NTM: variants seen among roughly 807,000 people sequenced by gnomAD.
NTM encodes neurotrimin, also known as IgLON family member 2.
A neutral mutation model predicts 42.1 loss-of-function variants in NTM; 13 were observed. That is an observed-to-expected ratio of 0.31 (90% CI 0.20 to 0.49). NTM has a LOEUF of 0.49. NTM is among the 20% of genes least tolerant of loss of function. The probability of loss-of-function intolerance (pLI) is 0.99; values close to 1 mark genes in which losing one functional copy is unlikely to be tolerated. For synonymous variants in NTM, 187 were observed against 179.2 expected (o/e 1.04, Z -0.35); for missense variants, 373 against 452.8 (o/e 0.82, Z 1.60).
chr11:131,949,172 A>G (rs1200060880), intron 2 of NTM, among the ~76,000 whole-genome samples: 1 of 152,226 alleles, frequency 6.6e-6, no homozygotes, highest in Non-Finnish European at 1.5e-5. Flanking sequence ...TTCTCAGTTA[A>G]GACTGAATTG....
intron 2 of NTM, among the ~76,000 whole-genome samples, chr11:132,029,832 T>G (rs1421336944): frequency 1.3e-5 from 2 of 152,176 alleles, no homozygotes; most frequent in Admixed American, 6.5e-5. Context: ...AAGTCATTTC[T>G]GCCTGTTATT....
At chr11:132,035,939 A>G (rs77670657) in intron 2 of NTM, among the ~76,000 whole-genome samples, 8,271 of 152,232 alleles carry the variant, frequency 0.054, 311 homozygotes, top group Non-Finnish European at 0.082. Context: ...AGTGTGGACC[A>G]TGTGCTGCTG....
chr11:131,402,184 T>C (rs1206981726), intron 1 of NTM, among the ~76,000 whole-genome samples: 3 of 151,610 alleles, frequency 2.0e-5, no homozygotes, highest in Admixed American at 2.0e-4. Context: ...AATAATGTTA[T>C]GGATGCAACA....
intron 2 of NTM, among the ~76,000 whole-genome samples, chr11:132,100,810 T>A (rs1343455818): frequency 6.6e-6 from 1 of 152,210 alleles, no homozygotes; most frequent in Non-Finnish European, 1.5e-5. Context: ...GGCTATCAGC[T>A]GTGATTTAAT....
intron 1 of NTM, among the ~76,000 whole-genome samples, chr11:131,715,753 A>G (rs1214938394): frequency 1.3e-5 from 2 of 152,162 alleles, no homozygotes; most frequent in East Asian, 3.9e-4. Context: ...GAATCACACA[A>G]TATGTACTCA....
intron 1 of NTM, among the ~76,000 whole-genome samples, chr11:131,376,710 G>T (rs1942023055): frequency 6.8e-6 from 1 of 147,906 alleles, no homozygotes; most frequent in Non-Finnish European, 1.5e-5. Flanking sequence ...ATTGCCCTTT[G>T]CGATAAGAAA....
chr11:132,321,292 G>A (rs2095562980), intron 7 of NTM, among the ~76,000 whole-genome samples: 1 of 152,138 alleles, frequency 6.6e-6, no homozygotes, highest in Non-Finnish European at 1.5e-5. Context: ...AAATTTAGAA[G>A]CATGTATAAC....
At chr11:131,709,311 G>A (rs984834433) in intron 1 of NTM, among the ~76,000 whole-genome samples, 1 of 152,190 alleles carries the variant, frequency 6.6e-6, no homozygotes, top group Non-Finnish European at 1.5e-5. Flanking sequence ...AATAACTCAT[G>A]TTTTAAACAG....
intron 1 of NTM, among the ~76,000 whole-genome samples, chr11:131,478,720 G>A (rs1393116937): frequency 6.6e-6 from 1 of 152,184 alleles, no homozygotes; most frequent in Admixed American, 6.5e-5. Flanking sequence ...CAGCTCTATA[G>A]GAAGAGACTC....
intron 2 of NTM, among the ~76,000 whole-genome samples, chr11:131,948,662 A>G (rs1401875730): frequency 2.6e-5 from 4 of 152,154 alleles, no homozygotes; most frequent in African/African-American, 9.7e-5. Context: ...TCCTCATGGT[A>G]TCTCAAGGGC....
intron 1 of NTM, among the ~76,000 whole-genome samples, chr11:131,663,735 C>T (rs986356185): frequency 2.0e-5 from 3 of 152,084 alleles, no homozygotes; most frequent in Non-Finnish European, 2.9e-5. Context: ...GTTTTTGTTA[C>T]CTTTTTTTTC....
At chr11:132,185,717 G>A (rs560741506) in intron 3 of NTM, among the ~76,000 whole-genome samples, 167 of 152,282 alleles carry the variant, frequency 1.1e-3, no homozygotes, top group Non-Finnish European at 1.9e-3. Context: ...AGATATGTTG[G>A]TTTAAAAGAT....
chr11:131,599,180 T>G (rs67270236), intron 1 of NTM, among the ~76,000 whole-genome samples: 64,551 of 151,658 alleles, frequency 0.43, 15,947 homozygotes, highest in East Asian at 0.61. Flanking sequence ...CTCCCAAAGT[T>G]CTGGGATTAC....
intron 1 of NTM, among the ~76,000 whole-genome samples, chr11:131,452,619 T>C (rs1399713321): frequency 6.6e-6 from 1 of 152,172 alleles, no homozygotes; most frequent in African/African-American, 2.4e-5. Flanking sequence ...GGAGAGCCAC[T>C]ATCGACATAG....
At chr11:132,322,433 G>A (rs1432735069) in intron 7 of NTM, among the ~76,000 whole-genome samples, 1 of 140,298 alleles carries the variant, frequency 7.1e-6, no homozygotes, top group Admixed American at 7.3e-5. Flanking sequence ...AGACAAAGAA[G>A]GCCATTACAT....
chr11:132,299,767 GAGC>G (rs1441334457), intron 4 of NTM, among the ~76,000 whole-genome samples: 6 of 152,130 alleles, frequency 3.9e-5, no homozygotes, highest in African/African-American at 1.4e-4. Context: ...ACGTAGGTTT[GAGC>G]CCTTCAGAAC....
At position 131,681,131 on chromosome 11, in the gene NTM, GTGTA is replaced by G. The variant is rs1312264746; in HGVS notation, c.83-230425_83-230422del. 3.1e-4 allele frequency among the ~76,000 whole-genome samples: 18 copies of G among 58,094 alleles called. 4 individuals are homozygous for G. The highest frequency in any genetic ancestry group is 8.1e-4 in the African/African-American group (18 of 22,102). The allele number at this position is 58,094 out of a possible 152,430, so 38.1% of individuals were successfully genotyped here. On this transcript the variant is annotated intron_variant, in intron 1 of 8. Transcript: ENST00000683400. ...TGTGTGTGTGAGCGTGTGTGTTTCT[GTGTA>G]TGTATGTTTCCCTGTGTGTGTGAGC...
At chr11:131,800,168 A>G (rs1422743482) in intron 1 of NTM, among the ~76,000 whole-genome samples, 1 of 152,202 alleles carries the variant, frequency 6.6e-6, no homozygotes, top group Non-Finnish European at 1.5e-5. Context: ...AAGCAAACAG[A>G]TTTTCAAACA....
chr11:132,084,628 A>G (rs968540333), intron 2 of NTM, among the ~76,000 whole-genome samples: 4 of 152,212 alleles, frequency 2.6e-5, no homozygotes, highest in Non-Finnish European at 5.9e-5. Context: ...TCAGATTACC[A>G]TAAGTTATTT....
Sources: gnomAD v4.1 joint callset for allele counts (sites outside exome capture counted in the v4.1 genomes callset) on GRCh38, gnomAD v4.1.1 for gene constraint, MANE v1.5 for transcripts, NCBI Gene and HGNC (gene_info 2026-07-23, HGNC 2026-07-21) for gene names.